Variants in EIF4EBP2 observed in about 807,000 individuals in gnomAD.
The protein encoded by EIF4EBP2 is eukaryotic translation initiation factor 4E binding protein 2.
A neutral mutation model predicts 10.3 loss-of-function variants in EIF4EBP2; 5 were observed. The observed-to-expected ratio is 0.48, with a 90% CI of 0.25 to 1.02. The LOEUF (loss-of-function observed/expected upper bound fraction) is 1.02, where lower values mean the gene tolerates loss of function less well. Ranked by LOEUF, EIF4EBP2 falls within the 50% of genes least tolerant of loss-of-function variation. The probability of loss-of-function intolerance (pLI) is 0.15; values close to 1 mark genes in which losing one functional copy is unlikely to be tolerated. For synonymous variants in EIF4EBP2, 67 were observed against 61.1 expected (o/e 1.10, Z -0.45); for missense variants, 188 against 162.2 (o/e 1.16, Z -0.86).
intron 1 of EIF4EBP2, among the ~76,000 whole-genome samples, chr10:70,412,174 C>T (rs1453675290): frequency 2.6e-5 from 4 of 152,232 alleles, no homozygotes; most frequent in South Asian, 2.1e-4. Context: ...TCCCCTCCAA[C>T]GGAGAAAGTC....
intron 2 of EIF4EBP2, among the ~76,000 whole-genome samples, chr10:70,420,693 C>G (rs183571308): frequency 1.3e-5 from 2 of 152,296 alleles, no homozygotes; most frequent in Admixed American, 1.3e-4. Flanking sequence ...TAAGGACTTC[C>G]TGGCCTAGGC....
intron 1 of EIF4EBP2, among the ~76,000 whole-genome samples, chr10:70,418,949 G>A (rs1319742690): frequency 6.6e-6 from 1 of 152,064 alleles, no homozygotes; most frequent in Non-Finnish European, 1.5e-5. Context: ...CGAGTAGTAG[G>A]GACTTCAGAC....
chr10:70,416,657 AT>A (rs1181271016), intron 1 of EIF4EBP2, among the ~76,000 whole-genome samples: 2 of 111,166 alleles, frequency 1.8e-5, no homozygotes, highest in African/African-American at 3.3e-5. Flanking sequence ...TTCTACCTTA[AT>A]TTTTTAATTT....
chr10:70,413,609 C>CA (rs57681671), intron 1 of EIF4EBP2, among the ~76,000 whole-genome samples: 15,143 of 97,056 alleles, frequency 0.16, 1,162 homozygotes, highest in Middle Eastern at 0.2. Flanking sequence ...CCCTGACTCT[C>CA]AAAAAAAAAA....
chr10:70,404,384 G>C lies in EIF4EBP2; in HGVS notation c.-18G>C. On this transcript the variant is annotated 5_prime_UTR_variant, in exon 1 of 3. Coordinates refer to ENST00000373218, the MANE Select transcript of EIF4EBP2 (RefSeq NM_004096.5). ...CCGCCTGCCCGCCGGACAAAGCCGA[G>C]AGCCCGCGCCCACAGCCATGTCCTC... The C allele has an allele frequency of 6.5e-7, 1 of 1,548,944 alleles. No homozygotes were observed. Among genetic ancestry groups the C allele is most frequent in the Non-Finnish European group, 8.7e-7 (1 of 1,151,200 alleles).
chr10:70,422,653 T>A lies in EIF4EBP2; in HGVS notation c.*906T>A, dbSNP rs1415067091. On this transcript the variant is annotated 3_prime_UTR_variant, in exon 3 of 3. Coordinates refer to ENST00000373218, the MANE Select transcript of EIF4EBP2 (RefSeq NM_004096.5). Reference sequence around the variant, plus strand: ...TAATAGAGGCACTTTAGCTTCCACTTGGTGGGTAAGGCCTGATCATAGTAT... The same window carrying A: ...TAATAGAGGCACTTTAGCTTCCACTAGGTGGGTAAGGCCTGATCATAGTAT... The A allele has an allele frequency of 6.6e-6, 1 of 152,150 alleles. No homozygotes were observed. The highest frequency in any genetic ancestry group is 1.5e-5 in the Non-Finnish European group (1 of 68,014). The allele number at this position is 152,150 out of a possible 1,614,324, so 9.4% of individuals were successfully genotyped here. A position where few individuals can be genotyped will look rare whatever the true frequency, so the allele number is the denominator to read the frequency against.
intron 1 of EIF4EBP2, among the ~76,000 whole-genome samples, chr10:70,418,992 A>AT (rs1392793643): frequency 6.6e-6 from 1 of 152,036 alleles, no homozygotes; most frequent in Non-Finnish European, 1.5e-5. Context: ...TTTTAAAATA[A>AT]TTTTTTTAGA....
At chr10:70,414,675 C>T (rs945372335) in intron 1 of EIF4EBP2, among the ~76,000 whole-genome samples, 1 of 152,174 alleles carries the variant, frequency 6.6e-6, no homozygotes, top group African/African-American at 2.4e-5. Flanking sequence ...CGAGACCAGC[C>T]TGGCCAACAT....
At chr10:70,419,468 T>C (rs935999577) in intron 1 of EIF4EBP2, among the ~76,000 whole-genome samples, 25 of 152,312 alleles carry the variant, frequency 1.6e-4, no homozygotes, top group African/African-American at 5.8e-4. Flanking sequence ...TTGTTTATTC[T>C]TTCATTTAAA....
Position 70,420,037 on chromosome 10 carries a change from A to G in EIF4EBP2, c.269A>G (p.Asp90Gly). ...GVTSPGTLIE[D>G]SKVEVNNLNN... Reference sequence around the variant, plus strand: ...ACTAGCCCTGGCACCTTAATTGAAGACTCCAAAGTAGAAGTAAACAATTTG... The same window carrying G: ...ACTAGCCCTGGCACCTTAATTGAAGGCTCCAAAGTAGAAGTAAACAATTTG... Residue 90 changes from aspartate to glycine, a missense_variant, in exon 2 of 3, where the codon GAC becomes GGC. Asp to Gly is a moderately conservative substitution (Grantham distance 94). Transcript: ENST00000373218. 6.2e-7 allele frequency: 1 copy of G among 1,612,796 alleles called. No homozygotes were observed. The highest frequency in any genetic ancestry group is 8.5e-7 in the Non-Finnish European group (1 of 1,179,612).
At chr10:70,413,909 T>G (rs146741565) in intron 1 of EIF4EBP2, among the ~76,000 whole-genome samples, 5 of 152,306 alleles carry the variant, frequency 3.3e-5, no homozygotes, top group African/African-American at 1.2e-4. Context: ...GTGTAGTCTG[T>G]TTTCCTTCTT....
At position 70,426,422 on chromosome 10, in the gene EIF4EBP2, C is replaced by T. The variant is rs1845207128; in HGVS notation, c.*4675C>T. On this transcript the variant is annotated 3_prime_UTR_variant, in exon 3 of 3. Coordinates refer to ENST00000373218, the MANE Select transcript of EIF4EBP2 (RefSeq NM_004096.5). ...AGTAGCTGGGATTACAGGCATGTAC[C>T]ACTATGCCTGGCTAATTTTTATTTC... 6.6e-6 allele frequency: 1 copy of T among 152,142 alleles called. No homozygotes were observed. The highest frequency in any genetic ancestry group is 2.4e-5 in the African/African-American group (1 of 41,418). The allele number at this position is 152,142 out of a possible 1,614,324, so 9.4% of individuals were successfully genotyped here. A position where few individuals can be genotyped will look rare whatever the true frequency, so the allele number is the denominator to read the frequency against.
At position 70,404,433 on chromosome 10, in the gene EIF4EBP2, C is replaced by T. The variant is rs1844946531; in HGVS notation, c.32C>T (p.Pro11Leu). The change falls in exon 1 of 3, where the codon CCC (proline) becomes CTC (leucine). Residue 11 changes from proline to leucine, a missense_variant. Physicochemically the swap from Pro to Leu is moderately conservative, Grantham distance 98 (BLOSUM62 -3). Transcript: ENST00000373218. MSSSAGSGHQPSQSRAIPTRT... is the reference protein window; with the variant it reads MSSSAGSGHQLSQSRAIPTRT... ...TCGTCAGCCGGCAGCGGCCACCAGCCCAGCCAGAGCCGCGCCATCCCCACC... is the reference window on the plus strand; with the variant it reads ...TCGTCAGCCGGCAGCGGCCACCAGCTCAGCCAGAGCCGCGCCATCCCCACC... 6.3e-7 allele frequency: 1 copy of T among 1,593,096 alleles called. No homozygotes were observed. The highest frequency in any genetic ancestry group is 1.1e-5 in the South Asian group (1 of 89,318).
intron 1 of EIF4EBP2, among the ~76,000 whole-genome samples, chr10:70,415,887 C>T (rs78984915): frequency 1.3e-5 from 2 of 148,332 alleles, no homozygotes; most frequent in Admixed American, 1.3e-4. Context: ...AAAAAAAAAA[C>T]ATACATTGGA....
rs1259929342 is a variant in EIF4EBP2, at chr10:70,425,198, C to T, written c.*3451C>T. 1 of 152,264 alleles carries T rather than the reference C, an allele frequency of 6.6e-6. No individual in the cohort carries two copies. The highest frequency in any genetic ancestry group is 1.5e-5 in the Non-Finnish European group (1 of 68,066). 9.4% of individuals were successfully genotyped at this position (152,264 alleles called of 1,614,324 possible). On this transcript the variant is annotated 3_prime_UTR_variant, in exon 3 of 3. Coordinates refer to ENST00000373218, the MANE Select transcript of EIF4EBP2 (RefSeq NM_004096.5). ...CAGCATGAGTGTCCTCACACCATGA[C>T]ACCTGGCTTCTCCCTGAGCAGCTGA... is the stretch of plus-strand genomic sequence containing the variant.
Position 70,415,158 on chromosome 10 carries a change from G to GA in EIF4EBP2, c.146-4742dup, listed in dbSNP as rs377725171. ...GGACGACAGAGCAAGACCCTCTCTC[G>GA]AAAAAAAAAAAAAAGAAAAGAAAAA... On this transcript the variant is annotated intron_variant, in intron 1 of 2. Coordinates refer to ENST00000373218, the MANE Select transcript of EIF4EBP2 (RefSeq NM_004096.5). Among the ~76,000 whole-genome samples, 379 of 107,258 alleles carry GA rather than the reference G, an allele frequency of 3.5e-3. 1 individual carries two copies. Among genetic ancestry groups the GA allele is most frequent in the African/African-American group, 5.7e-3 (167 of 29,514 alleles). 70.4% of individuals were successfully genotyped at this position (107,258 alleles called of 152,430 possible). A position where few individuals can be genotyped will look rare whatever the true frequency, so the allele number is the denominator to read the frequency against.
rs1254755751 is a variant in EIF4EBP2, at chr10:70,421,822, A to T, written c.*75A>T. 1 of 1,455,630 alleles carries T rather than the reference A, an allele frequency of 6.9e-7. No homozygotes were observed. Among genetic ancestry groups the T allele is most frequent in the South Asian group, 1.2e-5 (1 of 86,544 alleles). The allele number at this position is 1,455,630 out of a possible 1,614,324, so 90.2% of individuals were successfully genotyped here. A position where few individuals can be genotyped will look rare whatever the true frequency, so the allele number is the denominator to read the frequency against. On this transcript the variant is annotated 3_prime_UTR_variant, in exon 3 of 3. Transcript: ENST00000373218. ...ACCTGATTTGGCCAATAGGATCAAC[A>T]GTGAAAAGACAGAAGAGGCAATACC...
At chr10:70,414,266 A>G (rs1468025486) in intron 1 of EIF4EBP2, among the ~76,000 whole-genome samples, 1 of 152,202 alleles carries the variant, frequency 6.6e-6, no homozygotes, top group Non-Finnish European at 1.5e-5. Context: ...ACACCCTAAA[A>G]TCATTAGTGA....
rs913500559 is a variant in EIF4EBP2 at position 70,404,151 on chromosome 10, G to C, written c.-251G>C. Among the ~76,000 whole-genome samples, 1 of 152,180 alleles carries C rather than the reference G, an allele frequency of 6.6e-6. No homozygotes were observed. Among genetic ancestry groups the C allele is most frequent in the Non-Finnish European group, 1.5e-5 (1 of 68,016 alleles). On this transcript the variant is annotated 5_prime_UTR_variant, in exon 1 of 3. Coordinates refer to ENST00000373218, the MANE Select transcript of EIF4EBP2 (RefSeq NM_004096.5). ...CTGGCTCCCGCCTTCGCCCGCTTCCGGTCGTCGTCGTCGCCGCTGCTGCCG... is the reference window on the plus strand; with the variant it reads ...CTGGCTCCCGCCTTCGCCCGCTTCCCGTCGTCGTCGTCGCCGCTGCTGCCG...
Sources: gnomAD v4.1 joint callset for allele counts (sites outside exome capture counted in the v4.1 genomes callset) on GRCh38, gnomAD v4.1.1 for gene constraint, MANE v1.5 for transcripts, NCBI Gene and HGNC (gene_info 2026-07-23, HGNC 2026-07-21) for gene names.